Variants in ATRNL1 observed in about 807,000 individuals in gnomAD.
ATRNL1 encodes the protein attractin-like protein 1.
In ATRNL1, 95 loss-of-function variants were observed where a neutral mutation model predicts 182.7. That is an observed-to-expected ratio of 0.52 (90% confidence interval 0.44 to 0.62). The LOEUF (loss-of-function observed/expected upper bound fraction) is 0.62. Ranked by LOEUF, ATRNL1 falls within the 20% of genes least tolerant of loss-of-function variation. ATRNL1 has a pLI of 0.00. For synonymous variants in ATRNL1, 576 were observed against 568.3 expected (o/e 1.01, Z -0.19); for missense variants, 1,471 against 1,679.5 (o/e 0.88, Z 2.17).
chr10:115,900,974 A>T (rs1952334466), intron 28 of ATRNL1, among the ~76,000 whole-genome samples: 1 of 152,214 alleles, frequency 6.6e-6, no homozygotes, highest in African/African-American at 2.4e-5. Flanking sequence ...CTTTACATCC[A>T]CCTGATTCTA....
At chr10:115,869,082 G>A (rs548436609) in intron 28 of ATRNL1, among the ~76,000 whole-genome samples, 2 of 152,164 alleles carry the variant, frequency 1.3e-5, no homozygotes, top group East Asian at 1.9e-4. Flanking sequence ...GCCCGCCTCG[G>A]CCTCCCAAAG....
chr10:115,127,550 A>G, intron 3 of ATRNL1, 43 bp from the exon 4 acceptor site: 3 of 1,525,900 alleles, frequency 2.0e-6, no homozygotes, highest in Non-Finnish European at 1.8e-6. Flanking sequence ...TAACAGTCTT[A>G]TGTATATCTA....
At chr10:115,264,955 G>A (rs1554910032) in intron 10 of ATRNL1, among the ~76,000 whole-genome samples, 2 of 151,214 alleles carry the variant, frequency 1.3e-5, no homozygotes, top group African/African-American at 4.8e-5. Context: ...TCATTTTCTT[G>A]TTCTCATATG....
intron 26 of ATRNL1, among the ~76,000 whole-genome samples, chr10:115,700,514 C>CATGTT (rs1484279485): frequency 3.3e-5 from 5 of 152,022 alleles, no homozygotes; most frequent in African/African-American, 1.2e-4. Flanking sequence ...AGTGTCTGTT[C>CATGTT]ATGTCTTTTG....
chr10:115,899,749 G>A (rs1952305154), intron 28 of ATRNL1, among the ~76,000 whole-genome samples: 1 of 152,144 alleles, frequency 6.6e-6, no homozygotes, highest in African/African-American at 2.4e-5. Context: ...AGCTTTTACT[G>A]TAGTTTTTCC....
At chr10:115,788,143 A>C (rs1222348124) in intron 27 of ATRNL1, among the ~76,000 whole-genome samples, 1 of 152,178 alleles carries the variant, frequency 6.6e-6, no homozygotes, top group Non-Finnish European at 1.5e-5. Context: ...ATTTATATAT[A>C]GTAGTTATGT....
At chr10:115,609,603 A>G (rs1001960481) in intron 26 of ATRNL1, among the ~76,000 whole-genome samples, 3 of 152,148 alleles carry the variant, frequency 2.0e-5, no homozygotes, top group African/African-American at 7.2e-5. Context: ...AATGTATTTT[A>G]TTACACCTAC....
At chr10:115,291,040 G>A (rs552249432) in intron 15 of ATRNL1, among the ~76,000 whole-genome samples, 5 of 152,274 alleles carry the variant, frequency 3.3e-5, no homozygotes, top group African/African-American at 1.2e-4. Context: ...CACAGCTGCC[G>A]GCATTCACCG....
At chr10:115,331,598 A>C (rs111413661) in intron 18 of ATRNL1, among the ~76,000 whole-genome samples, 23 of 152,206 alleles carry the variant, frequency 1.5e-4, no homozygotes, top group African/African-American at 5.3e-4. Context: ...GCGTTTCATG[A>C]GGCCATCTTT....
At chr10:115,163,535 T>A (rs1385249274) in intron 6 of ATRNL1, among the ~76,000 whole-genome samples, 1 of 152,022 alleles carries the variant, frequency 6.6e-6, no homozygotes, top group Non-Finnish European at 1.5e-5. Flanking sequence ...GGCTAATTTT[T>A]AAATTTTTTT....
At position 115,164,809 on chromosome 10, in the gene ATRNL1, C is replaced by G. The variant is rs142064411; in HGVS notation, c.1005-749C>G. ...AGGTGGAGAGTAGAATGGTGGCTAC[C>G]ACAGCATGAGAAGAGAAGCAGGGAG... On this transcript the variant is annotated intron_variant, in intron 6 of 28. Coordinates refer to ENST00000355044, the MANE Select transcript of ATRNL1 (RefSeq NM_207303.4). 1.6e-3 allele frequency among the ~76,000 whole-genome samples: 238 copies of G among 152,016 alleles called. 1 individual carries two copies. Among genetic ancestry groups the G allele is most frequent in the African/African-American group, 5.4e-3 (226 of 41,472 alleles).
At chr10:115,409,491 A>G (rs540483284) in intron 20 of ATRNL1, among the ~76,000 whole-genome samples, 36 of 152,286 alleles carry the variant, frequency 2.4e-4, no homozygotes, top group Admixed American at 3.9e-4. Context: ...GATTTTCTGT[A>G]CACAAGATCA....
chr10:115,899,255 G>A (rs531001408), intron 28 of ATRNL1, among the ~76,000 whole-genome samples: 3 of 152,140 alleles, frequency 2.0e-5, no homozygotes, highest in South Asian at 4.2e-4. Context: ...TTGTCCTTGC[G>A]ATAGTTTGCT....
intron 18 of ATRNL1, among the ~76,000 whole-genome samples, chr10:115,332,797 G>A (rs575029955): frequency 3.3e-5 from 5 of 151,564 alleles, no homozygotes; most frequent in Non-Finnish European, 7.4e-5. Context: ...GAATATAAGA[G>A]GCAGTTTTAC....
intron 27 of ATRNL1, among the ~76,000 whole-genome samples, chr10:115,827,911 C>G (rs1347316527): frequency 1.3e-5 from 2 of 152,124 alleles, no homozygotes; most frequent in African/African-American, 4.8e-5. Flanking sequence ...CCTTCTTGCT[C>G]AGCACCCAAG....
Position 115,300,075 on chromosome 10 carries a change from C to A in ATRNL1, c.2457C>A (p.Ser819=). The change falls in exon 16 of 29, where the codon TCC becomes TCA. Residue 819 remains serine, a synonymous_variant. Transcript: ENST00000355044. ...PWVGLRKINI[S]YWGWEDMSPF... is the part of the protein sequence containing the mutation. ...TAGGCTTGCGCAAGATCAATATATCCTATTGGGGATGGGAAGACATGTCTC... is the reference window on the plus strand; with the variant it reads ...TAGGCTTGCGCAAGATCAATATATCATATTGGGGATGGGAAGACATGTCTC... 1 of 1,613,914 alleles carries A rather than the reference C, an allele frequency of 6.2e-7. No homozygotes were observed. The highest frequency in any genetic ancestry group is 8.5e-7 in the Non-Finnish European group (1 of 1,179,854).
chr10:115,492,990 A>T (rs572620584), intron 24 of ATRNL1, among the ~76,000 whole-genome samples: 1 of 152,274 alleles, frequency 6.6e-6, no homozygotes, highest in South Asian at 2.1e-4. Flanking sequence ...TCATTTTGTC[A>T]TTCATATGTA....
At chr10:115,094,477 G>A (rs541285928) in intron 1 of ATRNL1, among the ~76,000 whole-genome samples, 1 of 152,186 alleles carries the variant, frequency 6.6e-6, no homozygotes, top group Non-Finnish European at 1.5e-5. Flanking sequence ...TATGATCTAT[G>A]AGTGCCTCTC....
At chr10:115,304,420 C>T (rs1853626642) in intron 17 of ATRNL1, among the ~76,000 whole-genome samples, 1 of 152,168 alleles carries the variant, frequency 6.6e-6, no homozygotes, top group Non-Finnish European at 1.5e-5. Context: ...CACCAGGGCT[C>T]TTGTCTCACG....
Sources: gnomAD v4.1 joint callset for allele counts (sites outside exome capture counted in the v4.1 genomes callset) on GRCh38, gnomAD v4.1.1 for gene constraint, MANE v1.5 for transcripts, NCBI Gene and HGNC (gene_info 2026-07-23, HGNC 2026-07-21) for gene names.